The following ABCC1 variants were observed in gnomAD, a reference collection of about 807,000 sequenced individuals.
The protein encoded by ABCC1 is multidrug resistance-associated protein 1.
A neutral mutation model predicts 172.9 loss-of-function variants in ABCC1; 83 were observed. The ratio of observed to expected loss-of-function variants is 0.48; its 90% CI spans 0.40 to 0.58. The LOEUF (loss-of-function observed/expected upper bound fraction) is 0.58. Ranked by LOEUF, ABCC1 falls within the 20% of genes least tolerant of loss-of-function variation. The probability of loss-of-function intolerance (pLI) is 0.00; values close to 1 mark genes in which losing one functional copy is unlikely to be tolerated. For synonymous variants in ABCC1, 937 were observed against 825.2 expected (o/e 1.14, Z -2.32); for missense variants, 1,817 against 2,002.7 (o/e 0.91, Z 1.77).
rs1198838945 is a variant in ABCC1, at chr16:16,138,472, C to T, written c.4401C>T (p.Leu1467=). 6.2e-7 allele frequency: 1 copy of T among 1,613,354 alleles called. No homozygotes were observed. The highest frequency in any genetic ancestry group is 1.3e-5 in the African/African-American group (1 of 74,884). The change falls in exon 30 of 31, where the codon CTC becomes CTT. Residue 1467 remains leucine (L), a synonymous_variant. Coordinates refer to ENST00000399410, the MANE Select transcript of ABCC1 (RefSeq NM_004996.4). Reference sequence around the variant, plus strand: ...CCGTGGACCTGGAAACGGACGACCTCATCCAGTCCACCATCCGGACACAGT... The same window carrying T: ...CCGTGGACCTGGAAACGGACGACCTTATCCAGTCCACCATCCGGACACAGT... ...TAAVDLETDD[L]IQSTIRTQFE...
At chr16:16,087,459 CT>C (rs1039379946) in intron 18 of ABCC1, among the ~76,000 whole-genome samples, 11 of 151,990 alleles carry the variant, frequency 7.2e-5, no homozygotes, top group African/African-American at 1.9e-4. Flanking sequence ...TTTTCTCCCC[CT>C]GATTTTATTT....
chr16:16,027,446 G>A (rs1001445693), intron 5 of ABCC1, among the ~76,000 whole-genome samples: 10 of 152,142 alleles, frequency 6.6e-5, no homozygotes, highest in African/African-American at 2.4e-4. Flanking sequence ...CTGGTATAGT[G>A]GTGTATTGTG....
At chr16:16,122,441 T>G (rs1423012812) in intron 24 of ABCC1, among the ~76,000 whole-genome samples, 2 of 152,124 alleles carry the variant, frequency 1.3e-5, no homozygotes, top group African/African-American at 4.8e-5. Context: ...TCCCGTTAAC[T>G]GTCATCCTAG....
At chr16:16,098,723 A>G (rs962769322) in intron 19 of ABCC1, 1 of 607,422 alleles carries the variant, frequency 1.6e-6, no homozygotes. Flanking sequence ...GGATGGGGAA[A>G]CTGACGCACA....
chr16:16,131,619 A>G (rs1035165995), intron 26 of ABCC1, among the ~76,000 whole-genome samples, 170 bp from the exon 27 acceptor site: 1 of 152,140 alleles, frequency 6.6e-6, no homozygotes, highest in Non-Finnish European at 1.5e-5. Context: ...GATCCACAGG[A>G]TGCAAGGGGG....
At chr16:16,126,112 C>T (rs1021227298) in intron 26 of ABCC1, among the ~76,000 whole-genome samples, 1 of 152,178 alleles carries the variant, frequency 6.6e-6, no homozygotes, top group African/African-American at 2.4e-5. Flanking sequence ...CGGCTTTACC[C>T]AAGATCTGGG....
chr16:16,065,716 A>C (rs1048283392), intron 12 of ABCC1, among the ~76,000 whole-genome samples: 12 of 152,128 alleles, frequency 7.9e-5, no homozygotes, highest in African/African-American at 2.9e-4. Context: ...TACAGGCATG[A>C]GCCATTGAGC....
chr16:16,095,545 CT>C (rs2051438094), intron 19 of ABCC1, among the ~76,000 whole-genome samples: 1 of 152,218 alleles, frequency 6.6e-6, no homozygotes, highest in African/African-American at 2.4e-5. Flanking sequence ...AGGGAATCCC[CT>C]TGCCAGGACA....
At chr16:16,108,821 C>T (rs1447037129) in intron 21 of ABCC1, among the ~76,000 whole-genome samples, 1 of 151,846 alleles carries the variant, frequency 6.6e-6, no homozygotes, top group Admixed American at 6.6e-5. Context: ...TGGTCTTGAG[C>T]TCCTGGGCTC....
At chr16:16,088,601 TAGA>T (rs1316943660) in intron 18 of ABCC1, among the ~76,000 whole-genome samples, 1 of 152,212 alleles carries the variant, frequency 6.6e-6, no homozygotes, top group Admixed American at 6.5e-5. Context: ...TATTTTTAAA[TAGA>T]AGAAATCTAA....
In ABCC1 at chr16:16,076,529, T is replaced by C. The variant is rs1238507549; in HGVS notation, c.1988+128T>C. The C allele has an allele frequency of 4.0e-5, 36 of 893,356 alleles. No individual in the cohort carries two copies. The East Asian group carries it at 1.0e-3, about 25-fold the overall frequency. 55.3% of individuals were successfully genotyped at this position (893,356 alleles called of 1,614,324 possible). ...ACAACTCACTTTGCCTTTCTAAGAC[T>C]TAGCTTACCCATCTGGACAATGGGT... On this transcript the variant is annotated intron_variant, in intron 15 of 30. Transcript: ENST00000399410.
At chr16:15,995,574 T>C (rs2047027820) in intron 1 of ABCC1, among the ~76,000 whole-genome samples, 5 of 151,938 alleles carry the variant, frequency 3.3e-5, no homozygotes, top group Admixed American at 3.3e-4. Context: ...TGTGTGAGAG[T>C]GGAGACTTTA....
chr16:16,081,984 T>C (rs912022690), intron 16 of ABCC1, among the ~76,000 whole-genome samples: 1 of 152,148 alleles, frequency 6.6e-6, no homozygotes. Context: ...TGACACTGTA[T>C]TCCAGCCTGA....
rs1239383143 is a variant in ABCC1, at chr16:16,114,889, C to T, written c.3203C>T (p.Pro1068Leu). The T allele has an allele frequency of 6.2e-7, 1 of 1,613,774 alleles. No homozygotes were observed. The change falls in exon 23 of 31, where the codon CCC becomes CTC. Residue 1068 changes from proline (P) to leucine (L), a missense_variant. Physicochemically the swap from Pro to Leu is moderately conservative, Grantham distance 98. Transcript: ENST00000399410. ...RSPMSFFERT[P>L]SGNLVNRFSK... ...CCCATGAGCTTCTTTGAGCGGACCC[C>T]CAGTGGGAACCTGGTGAACCGCTTC...
chr16:16,106,234 C>A (rs1271654978), intron 20 of ABCC1, among the ~76,000 whole-genome samples: 1 of 152,022 alleles, frequency 6.6e-6, no homozygotes, highest in Non-Finnish European at 1.5e-5. Context: ...AAGATCCCAC[C>A]CCAGTGCCCA....
At chr16:15,990,941 G>A (rs114009436) in intron 1 of ABCC1, among the ~76,000 whole-genome samples, 2,478 of 151,850 alleles carry the variant, frequency 0.016, 62 homozygotes, top group African/African-American at 0.055. Flanking sequence ...GGGATTACAG[G>A]TGTGAGCGAC....
chr16:15,971,134 G>T (rs1436513708), intron 1 of ABCC1, among the ~76,000 whole-genome samples: 2 of 152,156 alleles, frequency 1.3e-5, no homozygotes, highest in African/African-American at 4.8e-5. Context: ...AGCTGCCACA[G>T]ATAGCAGCTA....
chr16:16,077,392 T>C (rs553110758), intron 15 of ABCC1, among the ~76,000 whole-genome samples: 13 of 152,322 alleles, frequency 8.5e-5, no homozygotes, highest in African/African-American at 1.2e-4. Context: ...AGCTGTTCTG[T>C]CTTGTTGAGC....
intron 22 of ABCC1, among the ~76,000 whole-genome samples, chr16:16,113,570 G>A (rs1267846132): frequency 6.6e-6 from 1 of 152,136 alleles, no homozygotes; most frequent in African/African-American, 2.4e-5. Context: ...TGGGAGGATT[G>A]CTTGAGCCCA....
Sources: allele counts gnomAD v4.1 joint callset (sites outside exome capture counted in the v4.1 genomes callset), GRCh38; gene constraint gnomAD v4.1.1; transcripts MANE v1.5; gene names NCBI Gene and HGNC (gene_info 2026-07-23, HGNC 2026-07-21).